The following CXCR4 variants were observed in gnomAD, a reference collection of about 807,000 sequenced individuals.
The protein encoded by CXCR4 is C-X-C chemokine receptor type 4.
A neutral mutation model predicts 22.4 loss-of-function variants in CXCR4; 6 were observed. The ratio of observed to expected loss-of-function variants is 0.27; its 90% CI spans 0.15 to 0.53. CXCR4 has a LOEUF of 0.53. Ranked by LOEUF, CXCR4 falls within the 20% of genes least tolerant of loss-of-function variation. The pLI is 0.96. For missense variants in CXCR4, 300 were observed against 430.4 expected (o/e 0.70, Z 2.68); for synonymous variants, 155 against 171.7 (o/e 0.90, Z 0.76).
intron 1 of CXCR4, chr2:136,116,289 C>G (rs1043312450): frequency 1.8e-6 from 2 of 1,121,144 alleles, no homozygotes; most frequent in Non-Finnish European, 2.2e-6. Context: ...AGGCCACTCC[C>G]AGGCGGCGTG....
At chr2:136,117,891 A>G (rs748060710) in intron 1 of CXCR4, among the ~76,000 whole-genome samples, 155 bp downstream of exon 1, 1 of 38,852 alleles carries the variant, frequency 2.6e-5, no homozygotes, top group Non-Finnish European at 4.9e-5. Context: ...CACCCGCACT[A>G]TATAGGCATG....
chr2:136,115,941 C>T lies in CXCR4; in HGVS notation c.16-29G>A. 6.2e-7 allele frequency: 1 copy of T among 1,614,128 alleles called. No homozygotes were observed. Among genetic ancestry groups the T allele is most frequent in the East Asian group, 2.2e-5 (1 of 44,892 alleles). On this transcript the variant is annotated intron_variant, in intron 1 of 1. Transcript: ENST00000241393. The surrounding 1 kb of genome is among the most constrained non-coding windows in gnomAD (Gnocchi z 6.4). ...CAAAAGAGGCAAAGGAATGGACATT[C>T]ACTTCCAATTCAGCAAGCATTAACC...
In CXCR4 at chr2:136,118,040, A is replaced by G. The variant is rs1372939238; in HGVS notation, c.15+6T>C. Reference sequence around the variant, plus strand: ...TTATGACAAAGCAGGTTGAAACTGGACTTACACTGATCCCCTCCATGGTAA... The same window carrying G: ...TTATGACAAAGCAGGTTGAAACTGGGCTTACACTGATCCCCTCCATGGTAA... On this transcript the variant is annotated splice_donor_region_variant and intron_variant, in intron 1 of 1. Transcript: ENST00000241393. The G allele has an allele frequency of 1.9e-5, 30 of 1,613,560 alleles. No homozygotes were observed. Among genetic ancestry groups the G allele is most frequent in the Non-Finnish European group, 2.5e-5 (30 of 1,179,652 alleles).
At chr2:136,117,176 G>A (rs1354153065) in intron 1 of CXCR4, among the ~76,000 whole-genome samples, 1 of 151,998 alleles carries the variant, frequency 6.6e-6, no homozygotes, top group Admixed American at 6.5e-5. Flanking sequence ...GGTCTTAACC[G>A]CCCCCGCCCC....
chr2:136,115,502 G>C lies in CXCR4; in HGVS notation c.426C>G (p.Thr142=). ...ACAGCTTCCTTGGCCTCTGACTGTT[G>C]GTGGCGTGGACGATGGCCAGGTAGC... ...LDRYLAIVHA[T]NSQRPRKLLA... Residue 142 remains threonine (T), a synonymous_variant, in exon 2 of 2, where the codon ACC becomes ACG. Coordinates refer to ENST00000241393, the MANE Select transcript of CXCR4 (RefSeq NM_003467.3). The surrounding 1 kb of genome is among the most constrained non-coding windows in gnomAD (Gnocchi z 6.4). 2 of 1,614,194 alleles carry C rather than the reference G, an allele frequency of 1.2e-6. No individual in the cohort carries two copies. Among genetic ancestry groups the C allele is most frequent in the Non-Finnish European group, 1.7e-6 (2 of 1,180,014 alleles).
At position 136,115,655 on chromosome 2, in the gene CXCR4, A is replaced by G. The variant is rs1025484081; in HGVS notation, c.273T>C (p.Leu91=). 2 of 1,614,210 alleles carry G rather than the reference A, an allele frequency of 1.2e-6. No homozygotes were observed. Among genetic ancestry groups the G allele is most frequent in the Non-Finnish European group, 8.5e-7 (1 of 1,180,032 alleles). ...SVADLLFVIT[L]PFWAVDAVAN... ...CCACGGCATCAACTGCCCAGAAGGG[A>G]AGCGTGATGACAAAGAGGAGGTCGG... The change falls in exon 2 of 2, where the codon CTT becomes CTC. Residue 91 remains leucine, a synonymous_variant. Coordinates refer to ENST00000241393, the MANE Select transcript of CXCR4 (RefSeq NM_003467.3). The surrounding 1 kb of genome is among the most constrained non-coding windows in gnomAD (Gnocchi z 6.4).
rs1684971754 is a variant in CXCR4, at chr2:136,118,125, T to C, written c.-65A>G. 2.6e-6 allele frequency: 4 copies of C among 1,545,890 alleles called. No individual in the cohort carries two copies. The highest frequency in any genetic ancestry group is 3.6e-6 in the Non-Finnish European group (4 of 1,120,776). On this transcript the variant is annotated 5_prime_UTR_variant, in exon 1 of 2. Transcript: ENST00000241393. ...ACTCAGGCCCTCGGCGTCACTTTGC[T>C]ACCTGCTGCCGCAGCCAACAAACTG...
chr2:136,116,387 G>A (rs564357587), intron 1 of CXCR4: 1 of 243,568 alleles, frequency 4.1e-6, no homozygotes, highest in Non-Finnish European at 7.2e-6. Context: ...GGAGAAGGGA[G>A]GATCACGGGG....
At chr2:136,116,867 CGCCGCGGCT>C (rs1434203693) in intron 1 of CXCR4, among the ~76,000 whole-genome samples, 5 of 152,140 alleles carry the variant, frequency 3.3e-5, no homozygotes, top group African/African-American at 1.2e-4. Context: ...AGCCCCGGGC[CGCCGCGGCT>C]GCCCACTACA....
intron 1 of CXCR4, among the ~76,000 whole-genome samples, chr2:136,117,300 A>C (rs1684925929): frequency 6.6e-6 from 1 of 152,050 alleles, no homozygotes; most frequent in African/African-American, 2.4e-5. Context: ...CAAACTCTCG[A>C]ACTGCAGGAC....
At chr2:136,117,202 TC>T (rs1305223135) in intron 1 of CXCR4, among the ~76,000 whole-genome samples, 7 of 151,770 alleles carry the variant, frequency 4.6e-5, no homozygotes, top group Non-Finnish European at 5.9e-5. Flanking sequence ...CCGTACCCGC[TC>T]CTATCCCCGG....
In CXCR4 at chr2:136,115,697, C is replaced by T; in HGVS notation, c.231G>A (p.Arg77=). 1.2e-6 allele frequency: 2 copies of T among 1,614,210 alleles called. No homozygotes were observed. Among genetic ancestry groups the T allele is most frequent in the East Asian group, 4.5e-5 (2 of 44,884 alleles). Residue 77 remains arginine, a synonymous_variant, in exon 2 of 2, where the codon AGG becomes AGA. Transcript: ENST00000241393. The surrounding 1 kb of genome is among the most constrained non-coding windows in gnomAD (Gnocchi z 6.4). ...GGAGGTCGGCCACTGACAGGTGCAG[C>T]CTGTACTTGTCCGTCATGCTTCTCA... is the stretch of plus-strand genomic sequence containing the variant. ...KKLRSMTDKY[R]LHLSVADLLF... is the part of the protein sequence containing the mutation.
In CXCR4 at chr2:136,114,713, TA is replaced by T. The variant is rs1223567032; in HGVS notation, c.*155del. 1.5e-6 allele frequency: 1 copy of T among 671,770 alleles called. No individual in the cohort carries two copies. Among genetic ancestry groups the T allele is most frequent in the Admixed American group, 3.3e-5 (1 of 30,632 alleles). 41.6% of individuals were successfully genotyped at this position (671,770 alleles called of 1,614,324 possible). On this transcript the variant is annotated 3_prime_UTR_variant, in exon 2 of 2. Transcript: ENST00000241393. ...ATGAAACAAAAAAAATTTATATAAA[TA>T]AGTCAATTAAACTTCACAAAAACTA...
At chr2:136,117,193 C>G (rs535230481) in intron 1 of CXCR4, among the ~76,000 whole-genome samples, 4 of 152,248 alleles carry the variant, frequency 2.6e-5, no homozygotes, top group Admixed American at 6.5e-5. Context: ...CCCCTCACCC[C>G]GTACCCGCTC....
chr2:136,117,870 C>A, intron 1 of CXCR4, 176 bp downstream of exon 1: 2 of 138,108 alleles, frequency 1.4e-5, no homozygotes, highest in Non-Finnish European at 1.6e-5. Context: ...CAATCCTGCT[C>A]CCCCCCCACC....
At position 136,115,874 on chromosome 2, in the gene CXCR4, T is replaced by C; in HGVS notation, c.54A>G (p.Ser18=). The stretch of plus-strand genomic sequence containing the variant: ...GTTCCTTCATGGAGTCATAGTCCCC[T>C]GAGCCCATTTCCTCGGTGTAGTTAT... ...TSDNYTEEMG[S]GDYDSMKEPC... is the part of the protein sequence containing the mutation. Residue 18 remains serine (S), a synonymous_variant, in exon 2 of 2, where the codon TCA becomes TCG. Coordinates refer to ENST00000241393, the MANE Select transcript of CXCR4 (RefSeq NM_003467.3). The surrounding 1 kb of genome is among the most constrained non-coding windows in gnomAD (Gnocchi z 6.4). 1.2e-6 allele frequency: 2 copies of C among 1,614,208 alleles called. No homozygotes were observed. The highest frequency in any genetic ancestry group is 1.7e-6 in the Non-Finnish European group (2 of 1,180,034).
In CXCR4 at chr2:136,114,514, A is replaced by C. The variant is rs192470654; in HGVS notation, c.*355T>G. 2.0e-5 allele frequency: 5 copies of C among 253,508 alleles called. No individual in the cohort carries two copies. The South Asian group carries it at 4.9e-4, about 25-fold the overall frequency. 15.7% of individuals were successfully genotyped at this position (253,508 alleles called of 1,614,324 possible). On this transcript the variant is annotated 3_prime_UTR_variant, in exon 2 of 2. Transcript: ENST00000241393. Reference sequence around the variant, plus strand: ...CAAAATCACGTCTTAAGAACAGGAAAAACGTTCCACGGGAATGGAGAGATT... The same window carrying C: ...CAAAATCACGTCTTAAGAACAGGAACAACGTTCCACGGGAATGGAGAGATT...
Position 136,115,534 on chromosome 2 carries a change from G to A in CXCR4, c.394C>T (p.Leu132=). The A allele has an allele frequency of 6.2e-7, 1 of 1,614,128 alleles. No homozygotes were observed. The highest frequency in any genetic ancestry group is 8.5e-7 in the Non-Finnish European group (1 of 1,180,006). The part of the protein sequence containing the change: ...SSVLILAFIS[L]DRYLAIVHAT... Reference sequence around the variant, plus strand: ...TGGACGATGGCCAGGTAGCGGTCCAGACTGATGAAGGCCAGGATGAGGACA... The same window carrying A: ...TGGACGATGGCCAGGTAGCGGTCCAAACTGATGAAGGCCAGGATGAGGACA... Residue 132 remains leucine (L), a synonymous_variant, in exon 2 of 2, where the codon CTG becomes TTG. Transcript: ENST00000241393. This position sits in a 1 kb window ranked among gnomAD's most constrained non-coding sequence, Gnocchi z 6.4.
At chr2:136,116,829 G>GAA (rs1684908960) in intron 1 of CXCR4, among the ~76,000 whole-genome samples, 1 of 152,138 alleles carries the variant, frequency 6.6e-6, no homozygotes, top group Non-Finnish European at 1.5e-5. Flanking sequence ...GCCTCCAGGC[G>GAA]GTGGGCACGC....
Sources: allele counts gnomAD v4.1 joint callset (sites outside exome capture counted in the v4.1 genomes callset), GRCh38; gene constraint gnomAD v4.1.1; non-coding constraint Gnocchi (gnomAD v3.1); transcripts MANE v1.5; gene names NCBI Gene and HGNC (gene_info 2026-07-23, HGNC 2026-07-21).